Variants in FBXO16 observed in about 807,000 individuals in gnomAD.
The protein encoded by FBXO16 is F-box only protein 16.
A neutral mutation model predicts 41.0 loss-of-function variants in FBXO16; 31 were observed. That is an observed-to-expected ratio of 0.76 (90% CI 0.57 to 1.02). The LOEUF (loss-of-function observed/expected upper bound fraction) is 1.02. Ranked by LOEUF, FBXO16 falls within the 50% of genes least tolerant of loss-of-function variation. The pLI, the probability that FBXO16 is intolerant of heterozygous loss-of-function variation, is 0.00. For missense variants in FBXO16, 361 were observed against 346.2 expected (o/e 1.04, Z -0.34); for synonymous variants, 133 against 117.8 (o/e 1.13, Z -0.84).
chr8:28,448,354 AAAAAAAG>A (rs1802899704), intron 6 of FBXO16, among the ~76,000 whole-genome samples: 1 of 151,450 alleles, frequency 6.6e-6, no homozygotes, highest in African/African-American at 2.4e-5. Flanking sequence ...AAAAAAAAAA[AAAAAAAG>A]AAAGAAAGAA....
chr8:28,439,745 C>CA (rs397975845), intron 7 of FBXO16, among the ~76,000 whole-genome samples: 5,249 of 134,318 alleles, frequency 0.039, 313 homozygotes, highest in African/African-American at 0.13. Flanking sequence ...GACCCTGTCT[C>CA]AAAAAAAAAA....
At position 28,460,246 on chromosome 8, in the gene FBXO16, T is replaced by TATATATA. The variant is rs58128827; in HGVS notation, c.343-3317_343-3316insTATATAT. Among the ~76,000 whole-genome samples, 23 of 66,670 alleles carry TATATATA rather than the reference T, an allele frequency of 3.4e-4. No homozygotes were observed. The East Asian group carries it at 4.0e-3, about 12-fold the overall frequency. 43.7% of individuals were successfully genotyped at this position (66,670 alleles called of 152,430 possible). ...GTGTGTATATATATATATATATATA[T>TATATATA]TTTTTTTTTTTTTTTTTTTTGAGAC... On this transcript the variant is annotated intron_variant, in intron 4 of 8. Transcript: ENST00000380254.
At chr8:28,441,069 A>G (rs7001349) in intron 7 of FBXO16, among the ~76,000 whole-genome samples, 6,405 of 152,140 alleles carry the variant, frequency 0.042, 463 homozygotes, top group African/African-American at 0.15. Flanking sequence ...GTGTAAATGG[A>G]GTAGAATTTA....
intron 4 of FBXO16, among the ~76,000 whole-genome samples, chr8:28,458,184 T>C (rs1195060634): frequency 1.3e-5 from 2 of 152,240 alleles, no homozygotes; most frequent in Non-Finnish European, 2.9e-5. Flanking sequence ...TTGCTATCCA[T>C]ACACCTATTT....
chr8:28,430,481 T>C (rs569737628), intron 7 of FBXO16, among the ~76,000 whole-genome samples: 53 of 152,062 alleles, frequency 3.5e-4, no homozygotes, highest in African/African-American at 1.2e-3. Context: ...GGGGTTAAAG[T>C]AGCAAGTTGT....
chr8:28,448,014 G>A (rs1289041315), intron 6 of FBXO16, among the ~76,000 whole-genome samples: 1 of 152,090 alleles, frequency 6.6e-6, no homozygotes, highest in East Asian at 1.9e-4. Context: ...ATAGTTACCT[G>A]TAAGTAGGAT....
At position 28,478,949 on chromosome 8, in the gene FBXO16, T is replaced by A. The variant is rs183375600; in HGVS notation, c.99+4399A>T. On this transcript the variant is annotated intron_variant, in intron 2 of 8. Coordinates refer to ENST00000380254, the MANE Select transcript of FBXO16 (RefSeq NM_172366.4). ...CTCCTAGTGCTGTCATCAGCGGGAG[T>A]GAGTTCTCATGAGATCTGCTTGTTT... is the stretch of plus-strand genomic sequence containing the variant. Among the ~76,000 whole-genome samples, 720 of 151,602 alleles carry A rather than the reference T, an allele frequency of 4.7e-3. 1 individual carries two copies. Among genetic ancestry groups the A allele is most frequent in the Admixed American group, 7.0e-3 (106 of 15,190 alleles).
chr8:28,431,101 ACGCTTATCTGTC>A (rs1367664795), intron 7 of FBXO16, among the ~76,000 whole-genome samples: 1 of 152,186 alleles, frequency 6.6e-6, no homozygotes, highest in African/African-American at 2.4e-5. Context: ...TTACCATGCA[ACGCTTATCTGTC>A]ACTGCATTTG....
intron 7 of FBXO16, among the ~76,000 whole-genome samples, chr8:28,444,175 G>T (rs1033522316): frequency 1.3e-5 from 2 of 152,076 alleles, no homozygotes; most frequent in African/African-American, 4.8e-5. Flanking sequence ...CCTAGGCTGT[G>T]TCTAGTGTAA....
intron 6 of FBXO16, among the ~76,000 whole-genome samples, chr8:28,447,873 G>A (rs973758561): frequency 2.0e-5 from 3 of 152,148 alleles, no homozygotes; most frequent in South Asian, 2.1e-4. Flanking sequence ...AGAATCACTC[G>A]AACCCAGGAA....
At chr8:28,438,040 G>C (rs967210726) in intron 7 of FBXO16, among the ~76,000 whole-genome samples, 3 of 152,154 alleles carry the variant, frequency 2.0e-5, no homozygotes, top group Non-Finnish European at 2.9e-5. Context: ...TAAGGGCCAG[G>C]TGCAGTGGCT....
intron 4 of FBXO16, among the ~76,000 whole-genome samples, chr8:28,459,641 T>A (rs1211477117): frequency 3.4e-5 from 5 of 146,264 alleles, no homozygotes; most frequent in African/African-American, 1.2e-4. Flanking sequence ...ATAATAATAA[T>A]AATAATAATA....
At chr8:28,470,706 G>A (rs1338407245) in intron 3 of FBXO16, among the ~76,000 whole-genome samples, 1 of 152,102 alleles carries the variant, frequency 6.6e-6, no homozygotes, top group Non-Finnish European at 1.5e-5. Context: ...TGGTAAAATT[G>A]AGCATATTTT....
At chr8:28,462,291 T>C (rs1302577917) in intron 4 of FBXO16, among the ~76,000 whole-genome samples, 2 of 149,482 alleles carry the variant, frequency 1.3e-5, no homozygotes, top group Non-Finnish European at 3.0e-5. Flanking sequence ...TTTTTTTTTT[T>C]TTTCTGAGAC....
At chr8:28,480,736 C>T (rs1376668933) in intron 2 of FBXO16, among the ~76,000 whole-genome samples, 1 of 152,108 alleles carries the variant, frequency 6.6e-6, no homozygotes, top group Non-Finnish European at 1.5e-5. Context: ...AATTCCTGAC[C>T]TCAGGTGATC....
Position 28,430,325 on chromosome 8 carries a change from C to A in FBXO16, c.844-922G>T, listed in dbSNP as rs183090822. Reference sequence around the variant, plus strand: ...AACTCCCGAGCTCAAGCAATCCTCCCGCTTTGGCCTTCCAAAGTGCTGGGA... The same window carrying A: ...AACTCCCGAGCTCAAGCAATCCTCCAGCTTTGGCCTTCCAAAGTGCTGGGA... On this transcript the variant is annotated intron_variant, in intron 7 of 8. Coordinates refer to ENST00000380254, the MANE Select transcript of FBXO16 (RefSeq NM_172366.4). Among the ~76,000 whole-genome samples, 54 of 152,284 alleles carry A rather than the reference C, an allele frequency of 3.5e-4. No individual in the cohort carries two copies. In the East Asian group the frequency reaches 0.01, roughly 29 times the overall value.
At chr8:28,431,878 A>T (rs1187323742) in intron 7 of FBXO16, among the ~76,000 whole-genome samples, 1 of 152,178 alleles carries the variant, frequency 6.6e-6, no homozygotes, top group East Asian at 1.9e-4. Context: ...TTACAAAAGC[A>T]TTCAGCGAAA....
chr8:28,455,647 T>TA (rs1803028056), intron 5 of FBXO16: 2 of 152,202 alleles, frequency 1.3e-5, no homozygotes, highest in African/African-American at 4.8e-5. Flanking sequence ...TATTGCTCCC[T>TA]AACTGAGAAT....
At chr8:28,443,050 G>A (rs904158116) in intron 7 of FBXO16, among the ~76,000 whole-genome samples, 1 of 150,456 alleles carries the variant, frequency 6.6e-6, no homozygotes, top group African/African-American at 2.5e-5. Context: ...GTAGGGTCTC[G>A]CTCTGTCACC....
Sources: allele counts gnomAD v4.1 joint callset (sites outside exome capture counted in the v4.1 genomes callset), GRCh38; gene constraint gnomAD v4.1.1; transcripts MANE v1.5; gene names NCBI Gene and HGNC (gene_info 2026-07-23, HGNC 2026-07-21).